The following UBL3 variants were observed in gnomAD, a reference collection of about 807,000 sequenced individuals.
UBL3 encodes ubiquitin like 3.
In UBL3, 6 loss-of-function variants were observed where a neutral mutation model predicts 18.4. That is an observed-to-expected ratio of 0.33 (90% CI 0.18 to 0.64). UBL3 has a LOEUF of 0.64. Ranked by LOEUF, UBL3 falls within the 30% of genes least tolerant of loss-of-function variation. UBL3 has a pLI of 0.76. For synonymous variants in UBL3, 49 were observed against 46.6 expected (o/e 1.05, Z -0.21); for missense variants, 109 against 142.9 (o/e 0.76, Z 1.21).
At chr13:29,834,129 T>C (rs1878859033) in intron 1 of UBL3, among the ~76,000 whole-genome samples, 1 of 148,348 alleles carries the variant, frequency 6.7e-6, no homozygotes, top group Admixed American at 6.8e-5. Flanking sequence ...TCCAGTGAGC[T>C]GAGATCGCGC....
At chr13:29,798,925 G>C (rs928080853) in intron 1 of UBL3, among the ~76,000 whole-genome samples, 2 of 152,122 alleles carry the variant, frequency 1.3e-5, no homozygotes, top group Non-Finnish European at 2.9e-5. Context: ...ATTTATATAA[G>C]GTAGATATTA....
chr13:29,786,444 C>G (rs141701736), intron 1 of UBL3, among the ~76,000 whole-genome samples: 1 of 152,280 alleles, frequency 6.6e-6, no homozygotes, highest in African/African-American at 2.4e-5. Flanking sequence ...ATTAAAAAAT[C>G]CTTTGGCCAT....
At chr13:29,801,914 T>C (rs1877778414) in intron 1 of UBL3, among the ~76,000 whole-genome samples, 1 of 152,190 alleles carries the variant, frequency 6.6e-6, no homozygotes, top group Admixed American at 6.5e-5. Context: ...CCACAGCCAC[T>C]GCCAAGGTCC....
rs544085848 is a variant in UBL3, at chr13:29,765,630, T to C, written c.*1625A>G. On this transcript the variant is annotated 3_prime_UTR_variant, in exon 5 of 5. Transcript: ENST00000380680. ...CCAAAATGCACTATCATTTTTTTTT[T>C]ATTTAGTTTACAGGAAGAATCTGTA... 1 of 152,548 alleles carries C rather than the reference T, an allele frequency of 6.6e-6. No homozygotes were observed. Among genetic ancestry groups the C allele is most frequent in the Non-Finnish European group, 1.5e-5 (1 of 67,968 alleles). 9.4% of individuals were successfully genotyped at this position (152,548 alleles called of 1,614,324 possible).
chr13:29,792,885 A>C (rs1464580286), intron 1 of UBL3, among the ~76,000 whole-genome samples: 4 of 152,210 alleles, frequency 2.6e-5, no homozygotes, highest in Admixed American at 2.0e-4. Context: ...ACATAATATA[A>C]AATACAGCAC....
intron 1 of UBL3, among the ~76,000 whole-genome samples, chr13:29,814,070 G>A: frequency 6.6e-6 from 1 of 152,028 alleles, no homozygotes; most frequent in East Asian, 1.9e-4. Flanking sequence ...TTTCTATTCT[G>A]AGTTATTAGG....
intron 1 of UBL3, among the ~76,000 whole-genome samples, chr13:29,825,988 T>C (rs1336793770): frequency 4.6e-5 from 7 of 152,216 alleles, no homozygotes; most frequent in Admixed American, 4.6e-4. Context: ...GTTTATATGC[T>C]GGATTATGTT....
chr13:29,788,839 GTGT>G (rs1877394106), intron 1 of UBL3, among the ~76,000 whole-genome samples: 5 of 11,050 alleles, frequency 4.5e-4, no homozygotes, highest in African/African-American at 3.3e-3. Flanking sequence ...TAATGGGGAA[GTGT>G]GTGTGTGTGT....
chr13:29,776,261 C>CTTTTTTTTTTTTTTTTTT (rs5741722), intron 2 of UBL3, among the ~76,000 whole-genome samples: 3 of 91,702 alleles, frequency 3.3e-5, no homozygotes, highest in Admixed American at 1.2e-4. Context: ...TCTTTTCTTT[C>CTTTTTTTTTTTTTTTTTT]TTTTTTTTTT....
intron 1 of UBL3, among the ~76,000 whole-genome samples, chr13:29,834,589 C>T (rs1475892980): frequency 2.1e-4 from 32 of 152,002 alleles, no homozygotes; most frequent in Non-Finnish European, 1.3e-4. Context: ...GACATTTTGG[C>T]TTAATGATAA....
intron 1 of UBL3, among the ~76,000 whole-genome samples, chr13:29,815,314 T>C (rs1413323446): frequency 1.3e-5 from 2 of 151,950 alleles, no homozygotes; most frequent in Admixed American, 6.6e-5. Flanking sequence ...GGGGGAGAAA[T>C]ATCTCATATA....
In UBL3 at chr13:29,849,866, A is replaced by G; in HGVS notation, c.-328T>C. 3 of 498,862 alleles carry G rather than the reference A, an allele frequency of 6.0e-6. No homozygotes were observed. In the South Asian group the frequency reaches 6.4e-5, roughly 11 times the overall value. The allele number at this position is 498,862 out of a possible 1,614,324, so 30.9% of individuals were successfully genotyped here. A position where few individuals can be genotyped will look rare whatever the true frequency, so the allele number is the denominator to read the frequency against. ...GGACCGAGCCGAGTGACACACGGAC[A>G]TGGAGAGGGGTGGGAGGGGGTTAAA... On this transcript the variant is annotated 5_prime_UTR_variant, in exon 1 of 5. An upstream start codon of the reference 5' UTR is lost. Transcript: ENST00000380680.
intron 1 of UBL3, among the ~76,000 whole-genome samples, chr13:29,807,889 T>C (rs889282657): frequency 5.3e-5 from 8 of 152,216 alleles, no homozygotes; most frequent in Non-Finnish European, 1.0e-4. Flanking sequence ...CTTTTTAATA[T>C]TTCCTTCATT....
rs76971819 is a variant in UBL3, at chr13:29,769,532, T to A, written c.224-1837A>T. Among the ~76,000 whole-genome samples the A allele has an allele frequency of 8.4e-3, 1,272 of 151,940 alleles. 16 individuals are homozygous for A. Among genetic ancestry groups the A allele is most frequent in the African/African-American group, 0.029 (1,210 of 41,450 alleles). On this transcript the variant is annotated intron_variant, in intron 3 of 4. Transcript: ENST00000380680. ...CAGGAATTCAATTCACTAGTAAAATTAGGAGATGGGGGTTGGGGAGAGAGG... is the reference window on the plus strand; with the variant it reads ...CAGGAATTCAATTCACTAGTAAAATAAGGAGATGGGGGTTGGGGAGAGAGG...
At chr13:29,805,042 C>A (rs1225378650) in intron 1 of UBL3, among the ~76,000 whole-genome samples, 1 of 151,992 alleles carries the variant, frequency 6.6e-6, no homozygotes, top group African/African-American at 2.4e-5. Context: ...CTTGAAAGAG[C>A]CAGATTATTA....
chr13:29,850,265 T>C lies in UBL3; in HGVS notation c.-727A>G, dbSNP rs1175279421. 1 of 153,018 alleles carries C rather than the reference T, an allele frequency of 6.5e-6. No individual in the cohort carries two copies. The highest frequency in any genetic ancestry group is 1.5e-5 in the Non-Finnish European group (1 of 68,326). The allele number at this position is 153,018 out of a possible 1,614,324, so 9.5% of individuals were successfully genotyped here. The stretch of plus-strand genomic sequence containing the variant: ...CGGCCGGGACACTCCACAGCCCCTC[T>C]GGGCTCAGGCCGCGGGCGCCTCCGG... On this transcript the variant is annotated 5_prime_UTR_variant, in exon 1 of 5. Coordinates refer to ENST00000380680, the MANE Select transcript of UBL3 (RefSeq NM_007106.4).
At chr13:29,811,813 A>C (rs370766034) in intron 1 of UBL3, among the ~76,000 whole-genome samples, 5 of 152,078 alleles carry the variant, frequency 3.3e-5, no homozygotes, top group African/African-American at 9.7e-5. Flanking sequence ...TGATAAAGTC[A>C]CTATTAGTTG....
At chr13:29,819,580 T>C (rs1231282102) in intron 1 of UBL3, among the ~76,000 whole-genome samples, 2 of 152,222 alleles carry the variant, frequency 1.3e-5, no homozygotes, top group Non-Finnish European at 2.9e-5. Context: ...AGAACCTATA[T>C]AATTACTGCT....
intron 1 of UBL3, among the ~76,000 whole-genome samples, chr13:29,800,238 C>A (rs1272816203): frequency 6.6e-6 from 1 of 152,172 alleles, no homozygotes; most frequent in Non-Finnish European, 1.5e-5. Flanking sequence ...GTGTTGACAT[C>A]TTGCTCTGCT....
Sources: allele counts gnomAD v4.1 joint callset (sites outside exome capture counted in the v4.1 genomes callset), GRCh38; gene constraint gnomAD v4.1.1; transcripts MANE v1.5; gene names NCBI Gene and HGNC (gene_info 2026-07-23, HGNC 2026-07-21).